The following GPAT3 variants were observed in gnomAD, a reference collection of about 807,000 sequenced individuals.
The protein encoded by GPAT3 is glycerol-3-phosphate acyltransferase 3.
Under a neutral mutation model 58.8 loss-of-function variants are expected in GPAT3, and 53 were observed. That is an observed-to-expected ratio of 0.90 (90% CI 0.72 to 1.13). The LOEUF is 1.13. Among genes scored for constraint, GPAT3 ranks in the 50% most tolerant of loss-of-function variants. The pLI is 0.00. For missense variants in GPAT3, 511 were observed against 527.6 expected, an observed-to-expected ratio of 0.97 and a Z score of 0.31; for synonymous variants, 197 against 187.4, an observed-to-expected ratio of 1.05 and a Z score of -0.42.
Position 83,570,471 on chromosome 4 carries a change from C to CTT in GPAT3, c.209-11073_209-11072dup, listed in dbSNP as rs11417042. Among the ~76,000 whole-genome samples the CTT allele has an allele frequency of 7.3e-3, 928 of 126,640 alleles. 20 individuals carry two copies. Among genetic ancestry groups the CTT allele is most frequent in the African/African-American group, 0.026 (830 of 32,522 alleles). The allele number at this position is 126,640 out of a possible 152,430, so 83.1% of individuals were successfully genotyped here. On this transcript the variant is annotated intron_variant, in intron 2 of 11. Coordinates refer to ENST00000264409, the MANE Select transcript of GPAT3 (RefSeq NM_032717.5). The stretch of plus-strand genomic sequence containing the variant: ...CTATAGCTAGAAATTTGGGAGAACT[C>CTT]TTTTTTTTTTTTTTTTTTTGAGACG...
At chr4:83,562,225 A>AATATATATATATAAT (rs1553944929) in intron 2 of GPAT3, among the ~76,000 whole-genome samples, 1 of 61,400 alleles carries the variant, frequency 1.6e-5, no homozygotes, top group African/African-American at 7.8e-5. Context: ...ATATATATAT[A>AATATATATATATAAT]ATATATATAT....
At chr4:83,563,271 T>C (rs897627797) in intron 2 of GPAT3, among the ~76,000 whole-genome samples, 15 of 152,138 alleles carry the variant, frequency 9.9e-5, no homozygotes, top group Non-Finnish European at 2.2e-4. Context: ...AACGTTTTAA[T>C]TTTTTGCATA....
rs749237980 is a variant in GPAT3, at chr4:83,547,859, T to C, written c.208+3257T>C. ...ACCTTCCTCTTCTTCTTCCCTTTTT[T>C]TTTTTTTTTTTGAGATGGGGTCTGG... On this transcript the variant is annotated intron_variant, in intron 2 of 11. Transcript: ENST00000264409. 2.9e-3 allele frequency among the ~76,000 whole-genome samples: 441 copies of C among 151,140 alleles called. 2 individuals are homozygous for C. The highest frequency in any genetic ancestry group is 5.1e-3 in the Non-Finnish European group (344 of 67,632).
chr4:83,559,323 A>AT lies in GPAT3; in HGVS notation c.208+14731dup, dbSNP rs531026807. ...TATATAAGCAGAGAAAGCAGGAAAGATTTTTTTTTTGTTTTTTGGAGTTAG... is the reference window on the plus strand; with the variant it reads ...TATATAAGCAGAGAAAGCAGGAAAGATTTTTTTTTTTGTTTTTTGGAGTTAG... On this transcript the variant is annotated intron_variant, in intron 2 of 11. Transcript: ENST00000264409. Among the ~76,000 whole-genome samples the AT allele has an allele frequency of 6.7e-3, 1,001 of 150,052 alleles. 13 individuals are homozygous for AT. Among genetic ancestry groups the AT allele is most frequent in the African/African-American group, 0.022 (899 of 40,950 alleles).
intron 11 of GPAT3, among the ~76,000 whole-genome samples, chr4:83,604,409 G>GA (rs1727180523): frequency 6.6e-6 from 1 of 152,180 alleles, no homozygotes; most frequent in Non-Finnish European, 1.5e-5. Context: ...AACTTCTAAA[G>GA]AAACTGAGTT....
intron 3 of GPAT3, among the ~76,000 whole-genome samples, chr4:83,586,839 A>G (rs1372408384): frequency 1.3e-5 from 2 of 152,222 alleles, no homozygotes; most frequent in African/African-American, 2.4e-5. Context: ...AGATGTCTAC[A>G]TGGTGGTATA....
chr4:83,602,941 T>TCCCA (rs1727113369), intron 11 of GPAT3, among the ~76,000 whole-genome samples: 1 of 152,208 alleles, frequency 6.6e-6, no homozygotes, highest in Non-Finnish European at 1.5e-5. Context: ...GATTTGTGGA[T>TCCCA]CACAGTCTGT....
intron 3 of GPAT3, among the ~76,000 whole-genome samples, chr4:83,586,726 G>A (rs989229935): frequency 2.0e-5 from 3 of 152,158 alleles, no homozygotes; most frequent in East Asian, 1.9e-4. Context: ...CAAAAAGAAG[G>A]CAATGTCTAT....
At chr4:83,598,265 A>G in intron 10 of GPAT3, 86 bp downstream of exon 10, 2 of 1,537,138 alleles carry the variant, frequency 1.3e-6, no homozygotes, top group East Asian at 4.6e-5. Context: ...TCTCCATGTC[A>G]TGCTTTTCTG....
chr4:83,571,020 G>A (rs1279081313), intron 2 of GPAT3, among the ~76,000 whole-genome samples: 6 of 151,986 alleles, frequency 3.9e-5, no homozygotes, highest in Non-Finnish European at 8.8e-5. Context: ...TTCTGTCATC[G>A]TCTGTTTTTA....
chr4:83,595,052 T>C, intron 7 of GPAT3, 92 bp downstream of exon 7: 1 of 1,065,616 alleles, frequency 9.4e-7, no homozygotes. Flanking sequence ...CAGCACTGAG[T>C]CTCAAAACTG....
Position 83,570,257 on chromosome 4 carries a change from T to G in GPAT3, c.209-11305T>G, listed in dbSNP as rs1004013899. 3.3e-5 allele frequency among the ~76,000 whole-genome samples: 5 copies of G among 152,310 alleles called. No individual in the cohort carries two copies. In the East Asian group the frequency reaches 7.7e-4, roughly 23 times the overall value. On this transcript the variant is annotated intron_variant, in intron 2 of 11. Transcript: ENST00000264409. Reference sequence around the variant, plus strand: ...ACCCCTCTGCACTTTAATTTCCTCATGTATAAGTTGGAGATAATACAGAAT... The same window carrying G: ...ACCCCTCTGCACTTTAATTTCCTCAGGTATAAGTTGGAGATAATACAGAAT...
chr4:83,544,251 C>T (rs1447039479), intron 1 of GPAT3, among the ~76,000 whole-genome samples: 1 of 152,194 alleles, frequency 6.6e-6, no homozygotes, highest in African/African-American at 2.4e-5. Context: ...CCATGCTTCA[C>T]AGCCTTTTCA....
At chr4:83,598,751 CTTT>C (rs70965361) in intron 11 of GPAT3, 28 bp downstream of exon 11, 2,477 of 149,714 alleles carry the variant, frequency 0.017, 1 homozygote, top group Non-Finnish European at 0.021. Flanking sequence ...AGTACTATCA[CTTT>C]TTTTTTTTTT....
chr4:83,598,431 G>T, intron 10 of GPAT3: 2 of 691,196 alleles, frequency 2.9e-6, no homozygotes, highest in Non-Finnish European at 4.8e-6. Flanking sequence ...AATAAAGAGC[G>T]TAATAAATAT....
At chr4:83,537,627 A>G (rs796560196) in intron 1 of GPAT3, among the ~76,000 whole-genome samples, 392 of 136,120 alleles carry the variant, frequency 2.9e-3, no homozygotes, top group Middle Eastern at 7.2e-3. Flanking sequence ...GTGTGTGTGT[A>G]TATTTAACAT....
Position 83,563,478 on chromosome 4 carries a change from C to CTT in GPAT3, c.209-18064_209-18063dup, listed in dbSNP as rs908400401. Among the ~76,000 whole-genome samples the CTT allele has an allele frequency of 2.7e-3, 307 of 114,454 alleles. 1 individual carries two copies. Among genetic ancestry groups the CTT allele is most frequent in the Non-Finnish European group, 3.8e-3 (209 of 54,770 alleles). 75.1% of individuals were successfully genotyped at this position (114,454 alleles called of 152,430 possible). A position where few individuals can be genotyped will look rare whatever the true frequency, so the allele number is the denominator to read the frequency against. On this transcript the variant is annotated intron_variant, in intron 2 of 11. Transcript: ENST00000264409. ...TTTATTATTTTATTTTTTCTTTCTT[C>CTT]TTTTTTTTTTTTTTTTTTTTTGAGA...
At chr4:83,603,315 G>C (rs1185652426) in intron 11 of GPAT3, among the ~76,000 whole-genome samples, 1 of 152,168 alleles carries the variant, frequency 6.6e-6, no homozygotes, top group Admixed American at 6.5e-5. Context: ...AGCATGCAGA[G>C]TTCTTATACC....
intron 10 of GPAT3, 38 bp from the exon 11 acceptor site, chr4:83,598,605 AC>A (rs1249827189): frequency 1.3e-6 from 2 of 1,511,584 alleles, no homozygotes; most frequent in Admixed American, 3.7e-5. Context: ...AAACTCGATA[AC>A]TAAGATATTC....
Sources: allele counts gnomAD v4.1 joint callset (sites outside exome capture counted in the v4.1 genomes callset), GRCh38; gene constraint gnomAD v4.1.1; transcripts MANE v1.5; gene names NCBI Gene and HGNC (gene_info 2026-07-23, HGNC 2026-07-21).